Variants in CSGALNACT1 observed in about 807,000 individuals in gnomAD.
CSGALNACT1 encodes the protein beta4GalNAcT-1.
CSGALNACT1 carries 52 observed loss-of-function variants against 51.0 expected under a neutral mutation model. The observed-to-expected ratio is 1.02, with a 90% CI of 0.82 to 1.29. The LOEUF (loss-of-function observed/expected upper bound fraction) is 1.29, where lower values mean the gene tolerates loss of function less well. Ranked by LOEUF, CSGALNACT1 falls within the 50% of genes most tolerant of loss-of-function variation. CSGALNACT1 has a pLI of 0.00. For missense variants in CSGALNACT1, 935 were observed against 679.2 expected (o/e 1.38, Z -4.19); for synonymous variants, 341 against 254.4 (o/e 1.34, Z -3.24).
intron 1 of CSGALNACT1, among the ~76,000 whole-genome samples, chr8:19,723,739 T>C (rs2063248880): frequency 6.6e-6 from 1 of 152,200 alleles, no homozygotes; most frequent in Non-Finnish European, 1.5e-5. Flanking sequence ...CATTGCACCA[T>C]TTGATGGTAC....
intron 1 of CSGALNACT1, among the ~76,000 whole-genome samples, chr8:19,620,037 G>T (rs2053611284): frequency 6.6e-6 from 1 of 152,230 alleles, no homozygotes; most frequent in South Asian, 2.1e-4. Context: ...AGCAGGCTGG[G>T]CATAGTGGCT....
chr8:19,542,285 T>A (rs757489305), intron 3 of CSGALNACT1, among the ~76,000 whole-genome samples: 11 of 151,266 alleles, frequency 7.3e-5, no homozygotes, highest in Non-Finnish European at 4.4e-5. Flanking sequence ...AGGAAAGCCA[T>A]TGAAATTCCC....
intron 1 of CSGALNACT1, among the ~76,000 whole-genome samples, chr8:19,612,830 G>A (rs546727020): frequency 6.6e-6 from 1 of 151,756 alleles, no homozygotes; most frequent in Non-Finnish European, 1.5e-5. Flanking sequence ...GATAGATTTT[G>A]TGACCCTTTG....
Position 19,565,910 on chromosome 8 carries a change from C to CAAACAA in CSGALNACT1, c.-297+25244_-297+25249dup, listed in dbSNP as rs1021946424. Among the ~76,000 whole-genome samples the CAAACAA allele has an allele frequency of 1.0e-3, 156 of 152,276 alleles. 1 individual carries two copies. Among genetic ancestry groups the CAAACAA allele is most frequent in the Non-Finnish European group, 1.1e-3 (78 of 68,024 alleles). ...TGGGCAACAGAGCAAGGCTCCATCT[C>CAAACAA]AAACAAAAACAAAAACAAAAAACTT... On this transcript the variant is annotated intron_variant, in intron 3 of 9. Coordinates refer to ENST00000454498, the Ensembl canonical transcript of CSGALNACT1.
chr8:19,456,973 G>A (rs1046625994), intron 5 of CSGALNACT1, among the ~76,000 whole-genome samples: 3 of 152,094 alleles, frequency 2.0e-5, no homozygotes, highest in Non-Finnish European at 4.4e-5. Flanking sequence ...AGACCCACCA[G>A]GCAGAAAAGA....
At chr8:19,612,729 C>T (rs1589028572) in intron 1 of CSGALNACT1, among the ~76,000 whole-genome samples, 2 of 151,804 alleles carry the variant, frequency 1.3e-5, no homozygotes, top group East Asian at 3.9e-4. Context: ...GCTAAAGTTG[C>T]GAGATTCCGT....
At chr8:19,659,250 G>C in intron 1 of CSGALNACT1, among the ~76,000 whole-genome samples, 1 of 152,170 alleles carries the variant, frequency 6.6e-6, no homozygotes, top group Non-Finnish European at 1.5e-5. Flanking sequence ...ATATTAGAAA[G>C]CAAGACTAAC....
chr8:19,440,887 A>G (rs1248330226), intron 5 of CSGALNACT1, among the ~76,000 whole-genome samples: 1 of 152,210 alleles, frequency 6.6e-6, no homozygotes, highest in Non-Finnish European at 1.5e-5. Flanking sequence ...ATATAAAATC[A>G]ATGTACAAAA....
At chr8:19,530,645 C>T (rs956049851) in intron 3 of CSGALNACT1, among the ~76,000 whole-genome samples, 51 of 152,202 alleles carry the variant, frequency 3.4e-4, no homozygotes, top group African/African-American at 1.0e-3. Flanking sequence ...GCTGGAGGAT[C>T]GCTTGAACCC....
At chr8:19,715,183 G>A (rs113460389) in intron 1 of CSGALNACT1, among the ~76,000 whole-genome samples, 13 of 152,148 alleles carry the variant, frequency 8.5e-5, no homozygotes, top group African/African-American at 2.7e-4. Context: ...ATCAGATCTC[G>A]TGAGACTTAT....
chr8:19,636,357 TG>T (rs1227391356), intron 1 of CSGALNACT1, among the ~76,000 whole-genome samples: 1 of 152,198 alleles, frequency 6.6e-6, no homozygotes, highest in African/African-American at 2.4e-5. Flanking sequence ...TATTAGGGTT[TG>T]GGACTATCTG....
In CSGALNACT1 at chr8:19,615,444, T is replaced by G. The variant is rs184722227; in HGVS notation, c.-543-13579A>C. Among the ~76,000 whole-genome samples the G allele has an allele frequency of 4.8e-3, 728 of 152,354 alleles. 4 individuals carry two copies. The highest frequency in any genetic ancestry group is 0.016 in the African/African-American group (681 of 41,580). Reference sequence around the variant, plus strand: ...TTTGAGATTAACTTCAGAGCTACTTTGAGTCAAACAAACCAATTTTATTTT... The same window carrying G: ...TTTGAGATTAACTTCAGAGCTACTTGGAGTCAAACAAACCAATTTTATTTT... On this transcript the variant is annotated intron_variant, in intron 1 of 9. Transcript: ENST00000332246.
intron 1 of CSGALNACT1, among the ~76,000 whole-genome samples, chr8:19,670,650 C>CAAAAAAAAAAAAAAAAAAAAAAAAAAAA (rs752256046): frequency 2.2e-5 from 2 of 92,848 alleles, no homozygotes; most frequent in Non-Finnish European, 3.8e-5. Flanking sequence ...CTACTGAAGA[C>CAAAAAAAAAAAAAAAAAAAAAAAAAAAA]AAAAAAAAAA....
At chr8:19,521,239 G>C (rs1587754991) in intron 3 of CSGALNACT1, among the ~76,000 whole-genome samples, 1 of 152,152 alleles carries the variant, frequency 6.6e-6, no homozygotes, top group Non-Finnish European at 1.5e-5. Context: ...ACATGAACTG[G>C]AGAGGAAAGA....
chr8:19,735,058 G>T (rs927941721), intron 1 of CSGALNACT1, among the ~76,000 whole-genome samples: 16 of 152,076 alleles, frequency 1.1e-4, no homozygotes, highest in African/African-American at 3.9e-4. Flanking sequence ...TAGGGCATAT[G>T]CTGGGGCCAG....
At chr8:19,669,230 A>C (rs1369437667) in intron 1 of CSGALNACT1, among the ~76,000 whole-genome samples, 6 of 152,238 alleles carry the variant, frequency 3.9e-5, no homozygotes, top group African/African-American at 1.4e-4. Context: ...GCACTAGTCT[A>C]ACCCAGCAGA....
intron 6 of CSGALNACT1, among the ~76,000 whole-genome samples, chr8:19,438,422 A>T (rs770812503): frequency 2.6e-5 from 4 of 152,230 alleles, no homozygotes; most frequent in Non-Finnish European, 4.4e-5. Context: ...AGGTGAGAAC[A>T]TTTGTAATGT....
chr8:19,579,310 G>A (rs1273374391), intron 3 of CSGALNACT1, among the ~76,000 whole-genome samples: 1 of 152,170 alleles, frequency 6.6e-6, no homozygotes, highest in African/African-American at 2.4e-5. Context: ...CATCTTTTCA[G>A]TTCTTTAAAT....
upstream of CSGALNACT1, among the ~76,000 whole-genome samples, chr8:19,605,617 G>A (rs773936436): frequency 1.4e-4 from 21 of 152,072 alleles, 1 homozygote; most frequent in Non-Finnish European, 1.2e-4. Context: ...AGTAAGAACC[G>A]AGTAAGAGGA....
Sources: gnomAD v4.1 joint callset for allele counts (sites outside exome capture counted in the v4.1 genomes callset) on GRCh38, gnomAD v4.1.1 for gene constraint, MANE v1.5 for transcripts, NCBI Gene and HGNC (gene_info 2026-07-23, HGNC 2026-07-21) for gene names.